Variants in KLC3 observed in about 807,000 individuals in gnomAD.
KLC3 encodes kinesin light chain 3.
KLC3 carries 72 observed loss-of-function variants against 62.9 expected under a neutral mutation model. That is an observed-to-expected ratio of 1.15 (90% CI 0.95 to 1.39). The LOEUF is 1.39. Among genes scored for constraint, KLC3 ranks in the 40% most tolerant of loss-of-function variants. The pLI is 0.00. For synonymous variants in KLC3, 377 were observed against 300.5 expected, an observed-to-expected ratio of 1.25 and a Z score of -2.63; for missense variants, 848 against 691.6, an observed-to-expected ratio of 1.23 and a Z score of -2.54.
At chr19:45,349,892 T>C (rs1333339999) in intron 8 of KLC3, 3 of 464,188 alleles carry the variant, frequency 6.5e-6, no homozygotes, top group Non-Finnish European at 1.2e-5. Flanking sequence ...CTTAGCCCGG[T>C]CCCCACATCG....
chr19:45,350,909 C>A (rs941603907), intron 11 of KLC3, 45 bp from the exon 12 acceptor site: 4 of 1,583,306 alleles, frequency 2.5e-6, no homozygotes, highest in Non-Finnish European at 3.5e-6. Flanking sequence ...TGGAGGGGGG[C>A]CACTCCTGGA....
rs991290676 is a variant in KLC3 at position 45,349,706 on chromosome 19, C to T, written c.1143+104C>T. 9.3e-6 allele frequency: 10 copies of T among 1,075,310 alleles called. 2 individuals are homozygous for T. Among genetic ancestry groups the T allele is most frequent in the African/African-American group, 1.6e-5 (1 of 62,032 alleles). 66.6% of individuals were successfully genotyped at this position (1,075,310 alleles called of 1,614,324 possible). A position where few individuals can be genotyped will look rare whatever the true frequency, so the allele number is the denominator to read the frequency against. Reference sequence around the variant, plus strand: ...TGAGCAACGTGAGGGTGGGGGGGGGCCCCCCAGGCCGGGCCCTTGGAGCAA... The same window carrying T: ...TGAGCAACGTGAGGGTGGGGGGGGGTCCCCCAGGCCGGGCCCTTGGAGCAA... On this transcript the variant is annotated intron_variant, in intron 8 of 12. Transcript: ENST00000391946.
At position 45,351,439 on chromosome 19, in the gene KLC3, T is replaced by C; in HGVS notation, c.*82T>C. On this transcript the variant is annotated 3_prime_UTR_variant, in exon 13 of 13. Coordinates refer to ENST00000391946, the MANE Select transcript of KLC3 (RefSeq NM_177417.3). ...TGGTGGGGTGAGAGGGGGTCTATCA[T>C]CTCCTGGCCCCCCCTTGCCTCTGGG... The C allele has an allele frequency of 6.3e-7, 1 of 1,586,582 alleles. No homozygotes were observed. Among genetic ancestry groups the C allele is most frequent in the Non-Finnish European group, 8.6e-7 (1 of 1,169,466 alleles).
intron 12 of KLC3, 128 bp from the exon 13 acceptor site, chr19:45,351,158 A>G (rs1236890326): frequency 6.3e-7 from 1 of 1,591,430 alleles, no homozygotes; most frequent in African/African-American, 1.3e-5. Flanking sequence ...AGGAGCAAAG[A>G]TGGGTTTTAC....
At position 45,346,586 on chromosome 19, in the gene KLC3, G is replaced by C. The variant is rs1189412681; in HGVS notation, c.301G>C (p.Glu101Gln). The change falls in exon 3 of 13, where the codon GAG (glutamate) becomes CAG (glutamine). Residue 101 changes from glutamate to glutamine, a missense_variant. Coordinates refer to ENST00000391946, the MANE Select transcript of KLC3 (RefSeq NM_177417.3). ...GGCACATGTGGGTGCACTGGAGGCA[G>C]AGAAGCAGCGGCTGCGCTCGCAGGC... ...LSAHVGALEA[E>Q]KQRLRSQARR... is the part of the protein sequence containing the mutation. 1 of 1,548,574 alleles carries C rather than the reference G, an allele frequency of 6.5e-7. No individual in the cohort carries two copies. The highest frequency in any genetic ancestry group is 8.7e-7 in the Non-Finnish European group (1 of 1,145,918).
rs546495201 is a variant in KLC3, at chr19:45,349,347, C to G, written c.970-82C>G. ...TCTGCTTTGACCCTGTAATCCCCAA[C>G]TCATGACCACCATACAGCAGTGATG... is the stretch of plus-strand genomic sequence containing the variant. On this transcript the variant is annotated intron_variant, in intron 7 of 12. Coordinates refer to ENST00000391946, the MANE Select transcript of KLC3 (RefSeq NM_177417.3). 2.1e-5 allele frequency: 30 copies of G among 1,420,612 alleles called. 1 individual carries two copies. In the South Asian group the frequency reaches 3.8e-4, roughly 18 times the overall value. The allele number at this position is 1,420,612 out of a possible 1,614,324, so 88.0% of individuals were successfully genotyped here.
At position 45,351,363 on chromosome 19, in the gene KLC3, A is replaced by C. The variant is rs745359111; in HGVS notation, c.*6A>C. ...AGGACCTGAGCCCCCACTAACGTCCAGTGAACTGCGCTGGCCGCAGCTTCT... is the reference window on the plus strand; with the variant it reads ...AGGACCTGAGCCCCCACTAACGTCCCGTGAACTGCGCTGGCCGCAGCTTCT... On this transcript the variant is annotated 3_prime_UTR_variant, in exon 13 of 13. Coordinates refer to ENST00000391946, the MANE Select transcript of KLC3 (RefSeq NM_177417.3). 1.2e-6 allele frequency: 2 copies of C among 1,610,138 alleles called. No individual in the cohort carries two copies. Among genetic ancestry groups the C allele is most frequent in the East Asian group, 2.2e-5 (1 of 44,870 alleles).
At chr19:45,350,156 TCACGCTTGTAACCCCAA>T in intron 8 of KLC3, 168 bp from the exon 9 acceptor site, 1 of 598,000 alleles carries the variant, frequency 1.7e-6, no homozygotes, top group Non-Finnish European at 3.0e-6. Context: ...ACGTGGTGGT[TCACGCTTGTAACCCCAA>T]CACTTTGGGA....
At position 45,345,630 on chromosome 19, in the gene KLC3, T is replaced by G. The variant is rs1971472236; in HGVS notation, c.89T>G (p.Val30Gly). 2 of 1,584,326 alleles carry G rather than the reference T, an allele frequency of 1.3e-6. No individual in the cohort carries two copies. Among genetic ancestry groups the G allele is most frequent in the African/African-American group, 2.7e-5 (2 of 74,620 alleles). The change falls in exon 2 of 13, where the codon GTG becomes GGG. Residue 30 changes from valine (V) to glycine (G), a missense_variant. Transcript: ENST00000391946. ...GAGCTGGTGCGGCAGACGCGGCAAG[T>G]GGTCCAGGGGCTGGAGGCGCTGCGG... Reference protein sequence around the residue: ...PEELVRQTRQVVQGLEALRAE... With the variant: ...PEELVRQTRQGVQGLEALRAE...
Position 45,346,762 on chromosome 19 carries a change from G to C in KLC3, c.477G>C (p.Pro159=). The stretch of plus-strand genomic sequence containing the variant: ...GGCAGCTGCGACAGTACGACCCACC[G>C]GCGGAGAGCCAGGTGCCACGGGCAG... ...FLGQLRQYDP[P]AESQQSESPP... Residue 159 remains proline, a synonymous_variant, in exon 3 of 13, where the codon CCG becomes CCC. Transcript: ENST00000391946. 1.3e-6 allele frequency: 2 copies of C among 1,580,784 alleles called. No individual in the cohort carries two copies. The highest frequency in any genetic ancestry group is 1.7e-6 in the Non-Finnish European group (2 of 1,164,342).
rs1276899377 is a variant in KLC3 at position 45,349,695 on chromosome 19, G to GT, written c.1143+94dup. On this transcript the variant is annotated intron_variant, in intron 8 of 12. Coordinates refer to ENST00000391946, the MANE Select transcript of KLC3 (RefSeq NM_177417.3). Reference sequence around the variant, plus strand: ...TGGATACAGGGTGAGCAACGTGAGGGTGGGGGGGGGCCCCCCAGGCCGGGC... The same window carrying GT: ...TGGATACAGGGTGAGCAACGTGAGGGTTGGGGGGGGGCCCCCCAGGCCGGGC... 8 of 907,312 alleles carry GT rather than the reference G, an allele frequency of 8.8e-6. No individual in the cohort carries two copies. The Admixed American group carries it at 9.6e-5, about 11-fold the overall frequency. The allele number at this position is 907,312 out of a possible 1,614,324, so 56.2% of individuals were successfully genotyped here.
At position 45,351,431 on chromosome 19, in the gene KLC3, G is replaced by T; in HGVS notation, c.*74G>T. 1.3e-6 allele frequency: 2 copies of T among 1,590,286 alleles called. No homozygotes were observed. Among genetic ancestry groups the T allele is most frequent in the South Asian group, 1.1e-5 (1 of 90,298 alleles). ...GGATGGGCTGGTGGGGTGAGAGGGG[G>T]TCTATCATCTCCTGGCCCCCCCTTG... is the stretch of plus-strand genomic sequence containing the variant. On this transcript the variant is annotated 3_prime_UTR_variant, in exon 13 of 13. Transcript: ENST00000391946.
chr19:45,343,336 A>C (rs1007454862), intron 1 of KLC3, among the ~76,000 whole-genome samples: 5 of 151,954 alleles, frequency 3.3e-5, no homozygotes, highest in Non-Finnish European at 5.9e-5. Flanking sequence ...TTTTTTAAAT[A>C]ATATTATCAC....
Position 45,350,455 on chromosome 19 carries a change from C to T in KLC3, c.1234+24C>T, listed in dbSNP as rs761172831. 6 of 1,612,092 alleles carry T rather than the reference C, an allele frequency of 3.7e-6. No homozygotes were observed. The Admixed American group carries it at 5.0e-5, about 13-fold the overall frequency. On this transcript the variant is annotated intron_variant, in intron 9 of 12. Coordinates refer to ENST00000391946, the MANE Select transcript of KLC3 (RefSeq NM_177417.3). ...CGGTGAGCCCCTAGCCCCTGTCTGT[C>T]TTCCCTCCTGGTGGCTTCTCTATGT...
In KLC3 at chr19:45,351,328, GCCAGCA is replaced by G; in HGVS notation, c.1489_1494del (p.Ser497_Thr498del). 1 of 1,612,024 alleles carries G rather than the reference GCCAGCA, an allele frequency of 6.2e-7. No homozygotes were observed. Among genetic ancestry groups the G allele is most frequent in the Non-Finnish European group, 8.5e-7 (1 of 1,179,994 alleles). ...GGACAAGGCCCCTCGGACCCTCAGC[GCCAGCA>G]CCCAGGACCTGAGCCCCCACTAACG... On this transcript the variant is annotated inframe_deletion, in exon 13 of 13. Coordinates refer to ENST00000391946, the MANE Select transcript of KLC3 (RefSeq NM_177417.3).
chr19:45,347,025 C>T (rs528476445), intron 3 of KLC3: 35 of 489,386 alleles, frequency 7.2e-5, no homozygotes, highest in South Asian at 4.7e-4. Flanking sequence ...GGGCCTCTGA[C>T]GCTCGTGACC....
At chr19:45,340,911 C>T (rs1206863923) in intron 1 of KLC3, 65 bp downstream of exon 1, 1 of 152,250 alleles carries the variant, frequency 6.6e-6, no homozygotes, top group Admixed American at 6.5e-5. Context: ...GGGGGCAACC[C>T]TGGGCCCGCT....
At position 45,350,021 on chromosome 19, in the gene KLC3, A is replaced by C. The variant is rs549002327; in HGVS notation, c.1144-320A>C. 1.3e-5 allele frequency: 6 copies of C among 447,398 alleles called. No homozygotes were observed. The South Asian group carries it at 1.7e-4, about 13-fold the overall frequency. The allele number at this position is 447,398 out of a possible 1,614,324, so 27.7% of individuals were successfully genotyped here. ...TACAGCAGACAGGCTCAGAAACAGG[A>C]GGCTGCCTGTCCTCCATCCCCAGGG... On this transcript the variant is annotated intron_variant, in intron 8 of 12. Coordinates refer to ENST00000391946, the MANE Select transcript of KLC3 (RefSeq NM_177417.3).
chr19:45,346,163 A>G (rs1427000165), intron 2 of KLC3, among the ~76,000 whole-genome samples: 1 of 152,062 alleles, frequency 6.6e-6, no homozygotes, highest in Non-Finnish European at 1.5e-5. Context: ...CTGTCCCAAA[A>G]AACAACAGAA....
Sources: allele counts gnomAD v4.1 joint callset (sites outside exome capture counted in the v4.1 genomes callset), GRCh38; gene constraint gnomAD v4.1.1; transcripts MANE v1.5; gene names NCBI Gene and HGNC (gene_info 2026-07-23, HGNC 2026-07-21).